KIF3A: variants seen among roughly 807,000 people sequenced by gnomAD.
KIF3A encodes kinesin family member 3A.
Under a neutral mutation model 92.6 loss-of-function variants are expected in KIF3A, and 27 were observed. The observed-to-expected ratio is 0.29, with a 90% CI of 0.21 to 0.40. The LOEUF is 0.40. Among genes scored for constraint, KIF3A ranks in the 10% least tolerant of loss-of-function variants. The probability of loss-of-function intolerance (pLI) is 1.00; values close to 1 mark genes in which losing one functional copy is unlikely to be tolerated. For missense variants in KIF3A, 581 were observed against 872.6 expected (o/e 0.67, Z 4.21); for synonymous variants, 250 against 275.4 (o/e 0.91, Z 0.92).
chr5:132,700,370 C>T (rs985375710), intron 16 of KIF3A, 86 bp from the exon 17 acceptor site: 2 of 827,758 alleles, frequency 2.4e-6, no homozygotes, highest in African/African-American at 1.7e-5. Context: ...GAAATCCTAA[C>T]ATTACACTAG....
Position 132,706,035 on chromosome 5 carries a change from T to C in KIF3A, c.1309+416A>G, listed in dbSNP as rs574490403. Among the ~76,000 whole-genome samples the C allele has an allele frequency of 3.3e-5, 5 of 152,232 alleles. No homozygotes were observed. The South Asian group carries it at 1.0e-3, about 32-fold the overall frequency. ...AGACATAAGTAGCAACATTTTTTTA[T>C]TGCCCTTTGCCATGTGCTCTAACCA... On this transcript the variant is annotated intron_variant, in intron 11 of 18. Transcript: ENST00000403231.
chr5:132,715,972 A>G (rs907934443), intron 7 of KIF3A, 41 bp from the exon 8 acceptor site: 2 of 1,385,294 alleles, frequency 1.4e-6, no homozygotes, highest in Non-Finnish European at 2.0e-6. Context: ...TTTACACTTG[A>G]CAGAGTTAAA....
intron 18 of KIF3A, among the ~76,000 whole-genome samples, chr5:132,698,278 A>G (rs1451901060): frequency 6.6e-6 from 1 of 152,182 alleles, no homozygotes; most frequent in Non-Finnish European, 1.5e-5. Context: ...GAGTCTTAAA[A>G]TCAGCTTAAA....
At chr5:132,720,542 C>T in intron 5 of KIF3A, 67 bp downstream of exon 5, 2 of 946,950 alleles carry the variant, frequency 2.1e-6, no homozygotes, top group South Asian at 3.1e-5. Flanking sequence ...AGTGCCATAC[C>T]AAATTTGCTT....
rs770615511 is a variant in KIF3A at position 132,710,936 on chromosome 5, T to C, written c.1228+23A>G. On this transcript the variant is annotated intron_variant, in intron 9 of 18. Transcript: ENST00000403231. ...TGTGAAACCACCTAATTTCTACAAA[T>C]CAGATTACTAAACAGAACTTACCCC... 83 of 1,613,770 alleles carry C rather than the reference T, an allele frequency of 5.1e-5. No homozygotes were observed. The Middle Eastern group carries it at 9.9e-4, about 19-fold the overall frequency.
intron 2 of KIF3A, among the ~76,000 whole-genome samples, chr5:132,727,417 A>AG (rs1258830560): frequency 4.6e-5 from 7 of 152,176 alleles, no homozygotes; most frequent in Non-Finnish European, 7.4e-5. Context: ...GAAAAAGGAG[A>AG]GGGGGTCAGG....
intron 9 of KIF3A, among the ~76,000 whole-genome samples, chr5:132,710,150 C>A (rs532902806): frequency 6.6e-6 from 1 of 152,060 alleles, no homozygotes; most frequent in African/African-American, 2.4e-5. Flanking sequence ...TTAATTCACA[C>A]GTGGCAACAA....
intron 14 of KIF3A, 117 bp from the exon 15 acceptor site, chr5:132,702,329 T>C (rs1021597189): frequency 2.1e-6 from 2 of 964,882 alleles, no homozygotes; most frequent in East Asian, 2.5e-5. Context: ...AGTTCTTTTA[T>C]AAAAATGATA....
intron 8 of KIF3A, among the ~76,000 whole-genome samples, chr5:132,714,199 T>C (rs1321376325): frequency 6.6e-6 from 1 of 152,002 alleles, no homozygotes; most frequent in African/African-American, 2.4e-5. Context: ...GCCCCACCAA[T>C]TCCGCTTTCG....
At chr5:132,697,114 A>G (rs2023823) in intron 18 of KIF3A, among the ~76,000 whole-genome samples, 86,264 of 152,166 alleles carry the variant, frequency 0.57, 27,111 homozygotes, top group Non-Finnish European at 0.73. Context: ...GAAATGCTAC[A>G]TTAATGTATT....
chr5:132,722,581 G>A (rs1052070221), intron 4 of KIF3A, among the ~76,000 whole-genome samples: 5 of 152,126 alleles, frequency 3.3e-5, no homozygotes, highest in African/African-American at 1.2e-4. Flanking sequence ...TATTCACATG[G>A]TAAAAAAACT....
At position 132,734,407 on chromosome 5, in the gene KIF3A, C is replaced by G; in HGVS notation, c.78G>C (p.Glu26Asp). The stretch of plus-strand genomic sequence containing the variant: ...GTTTGTAGCACATTGATTTCTCTCT[C>G]TCATTGAGGGGCCGGCACCTAACAA... ...KVVVRCRPLN[E>D]REKSMCYKQA... Residue 26 changes from glutamate (E) to aspartate (D), a missense_variant, in exon 2 of 19, where the codon GAG (glutamate) becomes GAC (aspartate). Glu to Asp is a conservative substitution (Grantham distance 45). Coordinates refer to ENST00000403231, the MANE Select transcript of KIF3A (RefSeq NM_001300791.2). 6.2e-7 allele frequency: 1 copy of G among 1,614,140 alleles called. No individual in the cohort carries two copies. The highest frequency in any genetic ancestry group is 1.1e-5 in the South Asian group (1 of 91,074).
At chr5:132,730,293 C>T (rs986004054) in intron 2 of KIF3A, among the ~76,000 whole-genome samples, 11 of 151,914 alleles carry the variant, frequency 7.2e-5, no homozygotes, top group African/African-American at 2.4e-4. Context: ...ACGGTGAAAC[C>T]CGTCCCTACT....
intron 2 of KIF3A, among the ~76,000 whole-genome samples, chr5:132,731,243 T>A (rs1025783561): frequency 6.6e-6 from 1 of 152,194 alleles, no homozygotes; most frequent in Admixed American, 6.5e-5. Context: ...TATACTTACA[T>A]CCCTCATGAA....
intron 5 of KIF3A, among the ~76,000 whole-genome samples, chr5:132,717,517 T>C (rs1359905339): frequency 1.3e-5 from 2 of 151,570 alleles, no homozygotes; most frequent in African/African-American, 2.4e-5. Flanking sequence ...AATACAACAA[T>C]ATTCAGTGCA....
intron 1 of KIF3A, 79 bp downstream of exon 1, chr5:132,737,335 C>T (rs1252385770): frequency 2.6e-6 from 4 of 1,517,696 alleles, no homozygotes; most frequent in East Asian, 5.2e-5. Context: ...CGGCTCCGCG[C>T]CTCCATGGCA....
Position 132,737,414 on chromosome 5 carries a change from C to T in KIF3A, c.6G>A (p.Pro2=). 2 of 1,608,468 alleles carry T rather than the reference C, an allele frequency of 1.2e-6. No homozygotes were observed. Among genetic ancestry groups the T allele is most frequent in the Non-Finnish European group, 1.7e-6 (2 of 1,177,770 alleles). The part of the protein sequence containing the change: M[P]INKSEKPESC... Reference sequence around the variant, plus strand: ...CCAGAAGCGAAGCGACTCTCCTCACCGGCATCTTGGCCCCCTCCCGTGCCC... The same window carrying T: ...CCAGAAGCGAAGCGACTCTCCTCACTGGCATCTTGGCCCCCTCCCGTGCCC... The change falls in exon 1 of 19, where the codon CCG becomes CCA. Residue 2 remains proline (P), a splice_region_variant and synonymous_variant. Transcript: ENST00000403231.
At chr5:132,701,121 A>C in intron 15 of KIF3A, among the ~76,000 whole-genome samples, 1 of 115,664 alleles carries the variant, frequency 8.6e-6, no homozygotes, top group African/African-American at 2.8e-5. Context: ...AATTCCATGT[A>C]CCTGAGGTCC....
chr5:132,696,436 A>G lies in KIF3A; in HGVS notation c.*198T>C. On this transcript the variant is annotated 3_prime_UTR_variant, in exon 19 of 19. Transcript: ENST00000403231. Reference sequence around the variant, plus strand: ...TAGTAGTACAACAATTTGAACAATCACCAGTTGTACAATTTTAATGTTATA... The same window carrying G: ...TAGTAGTACAACAATTTGAACAATCGCCAGTTGTACAATTTTAATGTTATA... 1.9e-6 allele frequency: 1 copy of G among 524,282 alleles called. No individual in the cohort carries two copies. The allele number at this position is 524,282 out of a possible 1,614,324, so 32.5% of individuals were successfully genotyped here.
Sources: allele counts gnomAD v4.1 joint callset (sites outside exome capture counted in the v4.1 genomes callset), GRCh38; gene constraint gnomAD v4.1.1; transcripts MANE v1.5; gene names NCBI Gene and HGNC (gene_info 2026-07-23, HGNC 2026-07-21).